Variants in MYO16 observed in about 807,000 individuals in gnomAD.
MYO16 encodes the protein myosin XVI.
MYO16 carries 94 observed loss-of-function variants against 205.3 expected under a neutral mutation model. The ratio of observed to expected loss-of-function variants is 0.46; its 90% confidence interval spans 0.39 to 0.54. The LOEUF is 0.54. Ranked by LOEUF, MYO16 falls within the 20% of genes least tolerant of loss-of-function variation. The pLI is 0.00. For synonymous variants in MYO16, 988 were observed against 954.0 expected (o/e 1.04, Z -0.66); for missense variants, 2,315 against 2,387.5 (o/e 0.97, Z 0.63).
chr13:108,602,141 A>G (rs563308607), intron 1 of MYO16, among the ~76,000 whole-genome samples: 5 of 149,182 alleles, frequency 3.4e-5, no homozygotes, highest in Non-Finnish European at 7.4e-5. Flanking sequence ...GAAGAATTCC[A>G]TCACTGGACA....
At chr13:108,911,218 A>T (rs1594389361) in intron 16 of MYO16, among the ~76,000 whole-genome samples, 2 of 143,044 alleles carry the variant, frequency 1.4e-5, no homozygotes, top group East Asian at 7.2e-4. Flanking sequence ...GCCTGCAAAA[A>T]AATATCTCCA....
chr13:109,088,435 G>A (rs1888509065), intron 27 of MYO16, among the ~76,000 whole-genome samples: 1 of 152,184 alleles, frequency 6.6e-6, no homozygotes, highest in African/African-American at 2.4e-5. Flanking sequence ...GACCAGCTTT[G>A]AGTAAGAGAA....
the MYO16 span, among the ~76,000 whole-genome samples, chr13:108,502,468 T>C: frequency 3.4e-3 from 523 of 152,346 alleles, 2 homozygotes; most frequent in African/African-American, 0.011. Context: ...ACAGTGAGTT[T>C]GATGTTCAAA....
chr13:108,627,290 G>T (rs1346451690), upstream of MYO16, among the ~76,000 whole-genome samples: 1 of 152,040 alleles, frequency 6.6e-6, no homozygotes, highest in African/African-American at 2.4e-5. Context: ...CTTAATCTGG[G>T]GAAATTATAT....
At chr13:108,821,006 G>A (rs188254920) in intron 8 of MYO16, among the ~76,000 whole-genome samples, 139 of 151,958 alleles carry the variant, frequency 9.1e-4, no homozygotes, top group Non-Finnish European at 1.5e-3. Flanking sequence ...CATTAATTTT[G>A]TGGCTTTCAA....
At chr13:109,063,410 G>A (rs939804402) in intron 27 of MYO16, among the ~76,000 whole-genome samples, 2 of 152,180 alleles carry the variant, frequency 1.3e-5, no homozygotes, top group Non-Finnish European at 2.9e-5. Flanking sequence ...AAAAGAAGCA[G>A]CAGGAAAATT....
intron 9 of MYO16, among the ~76,000 whole-genome samples, chr13:108,841,178 G>A (rs1162987438): frequency 6.6e-6 from 1 of 152,164 alleles, no homozygotes; most frequent in Non-Finnish European, 1.5e-5. Context: ...GTGTAGTGTT[G>A]ATTTAAGAAT....
At chr13:108,706,534 T>C (rs1883516310) in intron 2 of MYO16, among the ~76,000 whole-genome samples, 1 of 152,230 alleles carries the variant, frequency 6.6e-6, no homozygotes, top group Non-Finnish European at 1.5e-5. Context: ...TATGTAATTG[T>C]GATCCCTTTT....
At chr13:108,564,172 C>CTTTT in the MYO16 span, among the ~76,000 whole-genome samples, 2 of 126,702 alleles carry the variant, frequency 1.6e-5, no homozygotes, top group Non-Finnish European at 3.3e-5. Flanking sequence ...CTATTGCCTT[C>CTTTT]TTTTTTTTTT....
chr13:109,198,263 G>A (rs1434827262), intron 34 of MYO16, among the ~76,000 whole-genome samples: 2 of 152,088 alleles, frequency 1.3e-5, no homozygotes, highest in Non-Finnish European at 2.9e-5. Context: ...AAGATATCAT[G>A]AATATATAAA....
intron 16 of MYO16, among the ~76,000 whole-genome samples, chr13:108,914,517 C>T (rs892055640): frequency 4.6e-5 from 7 of 152,118 alleles, no homozygotes; most frequent in African/African-American, 1.7e-4. Flanking sequence ...CTCTCTTCTT[C>T]CTTCATAGCA....
At chr13:108,812,687 G>A (rs1416133361) in intron 7 of MYO16, among the ~76,000 whole-genome samples, 3 of 152,168 alleles carry the variant, frequency 2.0e-5, no homozygotes, top group African/African-American at 7.2e-5. Context: ...CAAAATTTGT[G>A]TGTTTCAAAA....
chr13:108,684,997 C>A (rs547946389), intron 2 of MYO16, among the ~76,000 whole-genome samples: 2 of 149,998 alleles, frequency 1.3e-5, no homozygotes, highest in African/African-American at 4.9e-5. Context: ...TTATTGAACC[C>A]AAGAAGAGGG....
chr13:108,658,386 G>A (rs1301800499), intron 1 of MYO16, among the ~76,000 whole-genome samples: 1 of 149,260 alleles, frequency 6.7e-6, no homozygotes, highest in Non-Finnish European at 1.5e-5. Context: ...TTAATTAATA[G>A]CATCATTTTA....
intron 12 of MYO16, among the ~76,000 whole-genome samples, chr13:108,870,314 G>A (rs1343762309): frequency 6.6e-6 from 1 of 151,384 alleles, no homozygotes; most frequent in Non-Finnish European, 1.5e-5. Context: ...TTTGCTGAGG[G>A]CATCTATGTT....
chr13:109,082,827 A>C (rs1888321559), intron 27 of MYO16, among the ~76,000 whole-genome samples: 1 of 152,024 alleles, frequency 6.6e-6, no homozygotes, highest in Admixed American at 6.6e-5. Flanking sequence ...GCAGGTACCA[A>C]GCAGAAGATA....
Position 108,992,466 on chromosome 13 carries a change from T to C in MYO16, c.2442+18T>C. ...TTGAACAAGTAAGTAGTCTTTCTTTTAAAATTGTGTGAACTTGAATGGCTT... is the reference window on the plus strand; with the variant it reads ...TTGAACAAGTAAGTAGTCTTTCTTTCAAAATTGTGTGAACTTGAATGGCTT... On this transcript the variant is annotated intron_variant, in intron 21 of 34. Coordinates refer to ENST00000457511, the MANE Select transcript of MYO16 (RefSeq NM_001198950.3). The C allele has an allele frequency of 6.7e-7, 1 of 1,481,986 alleles. No individual in the cohort carries two copies. Among genetic ancestry groups the C allele is most frequent in the Admixed American group, 1.7e-5 (1 of 58,032 alleles). The allele number at this position is 1,481,986 out of a possible 1,614,324, so 91.8% of individuals were successfully genotyped here.
intron 14 of MYO16, among the ~76,000 whole-genome samples, chr13:108,895,956 G>A (rs1377743559): frequency 6.6e-6 from 1 of 152,184 alleles, no homozygotes; most frequent in South Asian, 2.1e-4. Flanking sequence ...AGTTATTCCA[G>A]CGTGAGAATT....
At chr13:109,168,806 TTAAC>T (rs1878804717) in intron 33 of MYO16, among the ~76,000 whole-genome samples, 1 of 152,168 alleles carries the variant, frequency 6.6e-6, no homozygotes, top group African/African-American at 2.4e-5. Flanking sequence ...GCAAAATATT[TTAAC>T]TAATGACAAT....
Sources: gnomAD v4.1 joint callset for allele counts (sites outside exome capture counted in the v4.1 genomes callset) on GRCh38, gnomAD v4.1.1 for gene constraint, MANE v1.5 for transcripts, NCBI Gene and HGNC (gene_info 2026-07-23, HGNC 2026-07-21) for gene names.